Variants in DLC1 observed in about 807,000 individuals in gnomAD.
DLC1 encodes DLC1 Rho GTPase activating protein.
A neutral mutation model predicts 140.3 loss-of-function variants in DLC1; 54 were observed. The ratio of observed to expected loss-of-function variants is 0.38; its 90% CI spans 0.31 to 0.48. DLC1 has a LOEUF of 0.48. Ranked by LOEUF, DLC1 falls within the 20% of genes least tolerant of loss-of-function variation. The pLI is 0.96. For synonymous variants in DLC1, 986 were observed against 728.1 expected, an observed-to-expected ratio of 1.35 and a Z score of -5.70; for missense variants, 2,536 against 1,907.0, an observed-to-expected ratio of 1.33 and a Z score of -6.14.
At chr8:13,110,542 C>T (rs1022245923) in intron 7 of DLC1, among the ~76,000 whole-genome samples, 200 bp downstream of exon 7, 4 of 152,086 alleles carry the variant, frequency 2.6e-5, no homozygotes, top group Non-Finnish European at 4.4e-5. Context: ...CCTAGGACAG[C>T]GTGGATGCTA....
chr8:13,396,058 C>T (rs1264747649), intron 3 of DLC1, among the ~76,000 whole-genome samples: 8 of 133,386 alleles, frequency 6.0e-5, no homozygotes, highest in Admixed American at 2.3e-4. Context: ...AATTTCTTTT[C>T]TTTCTTTTTT....
At chr8:13,197,739 A>C (rs1038403389) in intron 5 of DLC1, among the ~76,000 whole-genome samples, 33 of 152,156 alleles carry the variant, frequency 2.2e-4, no homozygotes, top group African/African-American at 7.7e-4. Flanking sequence ...GGGGGTAAAC[A>C]AAAAAAGAAG....
At chr8:13,519,842 C>T (rs566934192), upstream of DLC1, among the ~76,000 whole-genome samples, 162 of 152,260 alleles carry the variant, frequency 1.1e-3, no homozygotes, top group Non-Finnish European at 1.9e-3. Flanking sequence ...CAAAAGAAGA[C>T]GTTTATGTAG....
chr8:13,596,145 A>G (rs370984484), intron 1 of DLC1, among the ~76,000 whole-genome samples: 2 of 152,180 alleles, frequency 1.3e-5, no homozygotes, highest in Admixed American at 6.6e-5. Flanking sequence ...TGCTAAATAT[A>G]TTAATCTCAA....
intron 1 of DLC1, among the ~76,000 whole-genome samples, chr8:13,530,401 C>T (rs796306868): frequency 1.7e-4 from 26 of 152,256 alleles, no homozygotes; most frequent in African/African-American, 6.3e-4. Flanking sequence ...TGCCGAGTTG[C>T]TTCTCTAAGA....
At chr8:13,124,938 C>T (rs1821424541) in intron 5 of DLC1, among the ~76,000 whole-genome samples, 1 of 151,962 alleles carries the variant, frequency 6.6e-6, no homozygotes, top group African/African-American at 2.4e-5. Flanking sequence ...GTTTTAATTA[C>T]TTTTATTTTA....
intron 1 of DLC1, among the ~76,000 whole-genome samples, chr8:13,578,670 A>G (rs1409724347): frequency 6.6e-6 from 1 of 152,172 alleles, no homozygotes; most frequent in Non-Finnish European, 1.5e-5. Context: ...AGAGAAACAC[A>G]TTTGCTGGTT....
intron 5 of DLC1, among the ~76,000 whole-genome samples, chr8:13,218,786 A>G (rs1216592673): frequency 7.0e-6 from 1 of 141,916 alleles, no homozygotes; most frequent in Non-Finnish European, 1.5e-5. Flanking sequence ...TTTTATATAT[A>G]ATATAAATAT....
Position 13,393,621 on chromosome 8 carries a change from C to T in DLC1, c.1246G>A (p.Asp416Asn). ...GATGGGAGGTCCGTGGACTCAGTGTCAGAAGACAAATTTACTCGTGTCTGA... is the reference window on the plus strand; with the variant it reads ...GATGGGAGGTCCGTGGACTCAGTGTTAGAAGACAAATTTACTCGTGTCTGA... Reference protein sequence around the residue: ...VNQTRVNLSSDTESTDLPSST... With the variant: ...VNQTRVNLSSNTESTDLPSST... The change falls in exon 4 of 18, where the codon GAC (aspartate) becomes AAC (asparagine). Residue 416 changes from aspartate (D) to asparagine (N), a missense_variant. Coordinates refer to ENST00000276297, the MANE Select transcript of DLC1 (RefSeq NM_182643.3). 4 of 1,614,128 alleles carry T rather than the reference C, an allele frequency of 2.5e-6. No homozygotes were observed. Among genetic ancestry groups the T allele is most frequent in the Non-Finnish European group, 3.4e-6 (4 of 1,180,028 alleles).
intron 7 of DLC1, among the ~76,000 whole-genome samples, 178 bp from the exon 8 acceptor site, chr8:13,103,031 C>T (rs553588348): frequency 6.6e-6 from 1 of 152,318 alleles, no homozygotes; most frequent in South Asian, 2.1e-4. Context: ...AATACCTTGG[C>T]CGGGCGTGGT....
At chr8:13,311,857 A>T (rs1223066154) in intron 4 of DLC1, among the ~76,000 whole-genome samples, 2 of 151,890 alleles carry the variant, frequency 1.3e-5, no homozygotes, top group Non-Finnish European at 2.9e-5. Context: ...GACCTTGAAA[A>T]TTTTTTCTTT....
chr8:13,199,177 CTTTTTTT>C (rs71207132), intron 5 of DLC1, among the ~76,000 whole-genome samples: 50 of 93,258 alleles, frequency 5.4e-4, no homozygotes, highest in South Asian at 2.4e-3. Context: ...TTCTCTTTTT[CTTTTTTT>C]TTTTTTTTTT....
chr8:13,242,592 C>T (rs1280595942), intron 5 of DLC1, among the ~76,000 whole-genome samples: 1 of 151,982 alleles, frequency 6.6e-6, no homozygotes, highest in African/African-American at 2.4e-5. Flanking sequence ...CAGAGTTTTG[C>T]CGTTTGCCCA....
At chr8:13,258,471 TC>T (rs1341879449) in intron 5 of DLC1, among the ~76,000 whole-genome samples, 2 of 152,240 alleles carry the variant, frequency 1.3e-5, no homozygotes, top group Admixed American at 1.3e-4. Flanking sequence ...AATATCTGCT[TC>T]CTGATTTTCA....
intron 4 of DLC1, among the ~76,000 whole-genome samples, chr8:13,324,467 C>G (rs950914588): frequency 2.0e-5 from 3 of 150,492 alleles, no homozygotes; most frequent in South Asian, 2.1e-4. Flanking sequence ...ACTCGGGAGG[C>G]TGAGGCAGGA....
At chr8:13,362,392 C>T (rs1326473323) in intron 4 of DLC1, among the ~76,000 whole-genome samples, 2 of 152,132 alleles carry the variant, frequency 1.3e-5, no homozygotes, top group African/African-American at 4.8e-5. Context: ...GGACATTTGT[C>T]TGGTTGCAGT....
At chr8:13,211,490 C>T (rs1417188194) in intron 5 of DLC1, among the ~76,000 whole-genome samples, 2 of 152,198 alleles carry the variant, frequency 1.3e-5, no homozygotes, top group African/African-American at 4.8e-5. Context: ...AAGCCAAAAA[C>T]CCTCTGAGGC....
chr8:13,567,330 G>A, intron 1 of DLC1: 1 of 1,551,544 alleles, frequency 6.4e-7, no homozygotes, highest in Non-Finnish European at 8.7e-7. Context: ...AAATCACTCG[G>A]GTATCAGATG....
intron 5 of DLC1, among the ~76,000 whole-genome samples, chr8:13,302,800 G>A (rs1449198865): frequency 6.6e-6 from 1 of 151,760 alleles, no homozygotes; most frequent in African/African-American, 2.4e-5. Context: ...AGATTGAGTG[G>A]GTCTCCTGCC....
Sources: allele counts gnomAD v4.1 joint callset (sites outside exome capture counted in the v4.1 genomes callset), GRCh38; gene constraint gnomAD v4.1.1; transcripts MANE v1.5; gene names NCBI Gene and HGNC (gene_info 2026-07-23, HGNC 2026-07-21).